CPVL: variants seen among roughly 807,000 people sequenced by gnomAD.
CPVL encodes carboxypeptidase vitellogenic like, also known as probable serine carboxypeptidase CPVL.
In CPVL, 51 loss-of-function variants were observed where a neutral mutation model predicts 63.7. The ratio of observed to expected loss-of-function variants is 0.80; its 90% CI spans 0.64 to 1.01. CPVL has a LOEUF of 1.01. Ranked by LOEUF, CPVL falls within the 50% of genes least tolerant of loss-of-function variation. The pLI, the probability that CPVL is intolerant of heterozygous loss-of-function variation, is 0.00. For missense variants in CPVL, 530 were observed against 573.1 expected (o/e 0.92, Z 0.77); for synonymous variants, 195 against 206.0 (o/e 0.95, Z 0.46).
At chr7:28,998,668 C>G (rs1363192981) in intron 12 of CPVL, among the ~76,000 whole-genome samples, 1 of 150,884 alleles carries the variant, frequency 6.6e-6, no homozygotes, top group African/African-American at 2.5e-5. Context: ...TATTGAAAAT[C>G]CAGAATCAAA....
intron 12 of CPVL, chr7:29,010,289 GT>G (rs966616154): frequency 2.7e-5 from 4 of 150,808 alleles, no homozygotes; most frequent in Non-Finnish European, 5.9e-5. Context: ...TGTTTTGATA[GT>G]TTTTTACTCT....
chr7:29,001,430 C>G (rs1209262019), intron 12 of CPVL: 1 of 152,114 alleles, frequency 6.6e-6, no homozygotes, highest in African/African-American at 2.4e-5. Flanking sequence ...TTTACTAAAT[C>G]TTATCTTTTA....
intron 3 of CPVL, among the ~76,000 whole-genome samples, chr7:29,107,583 C>T (rs1034477058): frequency 1.3e-5 from 2 of 152,212 alleles, no homozygotes; most frequent in African/African-American, 4.8e-5. Context: ...GATCTCTTTT[C>T]CCAAATTCCA....
At chr7:29,078,546 C>T (rs1467534769) in intron 7 of CPVL, among the ~76,000 whole-genome samples, 1 of 152,210 alleles carries the variant, frequency 6.6e-6, no homozygotes, top group Non-Finnish European at 1.5e-5. Context: ...TTTGTTTGCT[C>T]ACTGTAGATA....
At chr7:29,066,351 TG>T (rs1694021822) in intron 9 of CPVL, among the ~76,000 whole-genome samples, 1 of 152,086 alleles carries the variant, frequency 6.6e-6, no homozygotes. Flanking sequence ...TTTATTCTGG[TG>T]GGGGACAACA....
rs190137912 is a variant in CPVL, at chr7:29,076,860, C to T, written c.610-4437G>A. 1.5e-3 allele frequency among the ~76,000 whole-genome samples: 222 copies of T among 152,340 alleles called. 2 individuals are homozygous for T. Among genetic ancestry groups the T allele is most frequent in the African/African-American group, 4.8e-3 (200 of 41,582 alleles). On this transcript the variant is annotated intron_variant, in intron 7 of 12. Transcript: ENST00000265394. ...CCAGGAGAGAAAAAGGCCTCAACATCATAGCTGAATAGTAGTTTTGAATCT... is the reference window on the plus strand; with the variant it reads ...CCAGGAGAGAAAAAGGCCTCAACATTATAGCTGAATAGTAGTTTTGAATCT...
At chr7:29,080,789 G>A (rs1186022922) in intron 7 of CPVL, among the ~76,000 whole-genome samples, 1 of 152,140 alleles carries the variant, frequency 6.6e-6, no homozygotes, top group African/African-American at 2.4e-5. Context: ...TTCCAACAGG[G>A]ACTTCACCCA....
At chr7:29,094,116 G>A (rs1422448061) in intron 5 of CPVL, among the ~76,000 whole-genome samples, 6 of 152,256 alleles carry the variant, frequency 3.9e-5, no homozygotes, top group Admixed American at 6.5e-5. Context: ...TGAGGTGGGC[G>A]GATCACTTGA....
chr7:29,132,113 G>A lies in CPVL; in HGVS notation c.-10-11042C>T, dbSNP rs369590677. On this transcript the variant is annotated intron_variant, in intron 1 of 12. Transcript: ENST00000265394. ...GCAGTGGCACTATTTGAGATAGGTGGTCAGGGAAGGCCCCCCTGAGTAGGT... is the reference window on the plus strand; with the variant it reads ...GCAGTGGCACTATTTGAGATAGGTGATCAGGGAAGGCCCCCCTGAGTAGGT... 3.3e-5 allele frequency among the ~76,000 whole-genome samples: 5 copies of A among 152,304 alleles called. No homozygotes were observed. The East Asian group carries it at 5.8e-4, about 18-fold the overall frequency.
At chr7:29,060,601 G>T (rs565236006) in intron 11 of CPVL, among the ~76,000 whole-genome samples, 123 of 152,258 alleles carry the variant, frequency 8.1e-4, no homozygotes, top group African/African-American at 2.9e-3. Context: ...TGCATCTCCT[G>T]TATATCACTG....
At chr7:29,044,713 C>T (rs978128729) in intron 11 of CPVL, among the ~76,000 whole-genome samples, 2 of 152,170 alleles carry the variant, frequency 1.3e-5, no homozygotes, top group Non-Finnish European at 2.9e-5. Flanking sequence ...CTCTCTCCAC[C>T]CTTTCTCGAT....
intron 7 of CPVL, among the ~76,000 whole-genome samples, chr7:29,079,844 C>T (rs1430809598): frequency 6.6e-6 from 1 of 152,166 alleles, no homozygotes; most frequent in African/African-American, 2.4e-5. Context: ...AGGCTCTGCT[C>T]TCTACTCAAA....
At chr7:29,140,555 C>A (rs1204620598) in intron 1 of CPVL, among the ~76,000 whole-genome samples, 1 of 152,188 alleles carries the variant, frequency 6.6e-6, no homozygotes. Flanking sequence ...CAAATAAACA[C>A]TGCACTTAGT....
Position 29,051,183 on chromosome 7 carries a change from T to C in CPVL, c.1137+12878A>G, listed in dbSNP as rs915637903. On this transcript the variant is annotated intron_variant, in intron 11 of 12. Coordinates refer to ENST00000265394, the MANE Select transcript of CPVL (RefSeq NM_031311.5). The stretch of plus-strand genomic sequence containing the variant: ...AACATTGGAAAAACCCTTCTAGACA[T>C]TGGCTTAGGCAAGATTTAGTGACCA... Among the ~76,000 whole-genome samples the C allele has an allele frequency of 3.9e-5, 6 of 152,198 alleles. No homozygotes were observed. In the East Asian group the frequency reaches 5.8e-4, roughly 15 times the overall value.
intron 6 of CPVL, among the ~76,000 whole-genome samples, chr7:29,089,445 A>G (rs889393213): frequency 6.6e-6 from 1 of 152,342 alleles, no homozygotes; most frequent in South Asian, 2.1e-4. Flanking sequence ...GTGTACCTAC[A>G]GTCACTGGCA....
At chr7:29,104,246 A>G (rs1425950414) in intron 3 of CPVL, among the ~76,000 whole-genome samples, 2 of 152,080 alleles carry the variant, frequency 1.3e-5, no homozygotes, top group African/African-American at 4.8e-5. Flanking sequence ...CAGAAAATTA[A>G]TTTTTTCAAA....
chr7:29,147,370 A>G, upstream of CPVL: 1 of 165,154 alleles, frequency 6.1e-6, no homozygotes, highest in Non-Finnish European at 1.3e-5. Context: ...GAGTGAGCCC[A>G]GGGAAACCCG....
intron 3 of CPVL, among the ~76,000 whole-genome samples, chr7:29,107,599 T>A (rs990539442): frequency 6.6e-6 from 1 of 152,204 alleles, no homozygotes; most frequent in African/African-American, 2.4e-5. Flanking sequence ...TTCCAGCCCA[T>A]TGACTGGCTG....
chr7:29,007,190 C>T (rs520293), intron 12 of CPVL, among the ~76,000 whole-genome samples: 21,498 of 152,214 alleles, frequency 0.14, 1,578 homozygotes, highest in Middle Eastern at 0.23. Context: ...CTAGCTGTTA[C>T]ACCTCAATAA....
Sources: allele counts gnomAD v4.1 joint callset (sites outside exome capture counted in the v4.1 genomes callset), GRCh38; gene constraint gnomAD v4.1.1; transcripts MANE v1.5; gene names NCBI Gene and HGNC (gene_info 2026-07-23, HGNC 2026-07-21).